The following DCAF6 variants were observed in gnomAD, a reference collection of about 807,000 sequenced individuals.
The protein encoded by DCAF6 is DDB1- and CUL4-associated factor 6.
In DCAF6, 54 loss-of-function variants were observed where a neutral mutation model predicts 125.1. The observed-to-expected ratio is 0.43, with a 90% CI of 0.35 to 0.54. The LOEUF (loss-of-function observed/expected upper bound fraction) is 0.54. Among genes scored for constraint, DCAF6 ranks in the 20% least tolerant of loss-of-function variants. The pLI is 0.01. For missense variants in DCAF6, 934 were observed against 1,161.7 expected, an observed-to-expected ratio of 0.80 and a Z score of 2.85; for synonymous variants, 371 against 390.4, an observed-to-expected ratio of 0.95 and a Z score of 0.58.
chr1:167,953,588 T>C (rs958479585), intron 2 of DCAF6, among the ~76,000 whole-genome samples: 15 of 152,188 alleles, frequency 9.9e-5, no homozygotes, highest in Admixed American at 9.2e-4. Context: ...GAGTATATTA[T>C]GTGTTAGATT....
intron 11 of DCAF6, 132 bp downstream of exon 11, chr1:168,016,083 G>A: frequency 1.5e-6 from 1 of 672,494 alleles, no homozygotes; most frequent in Non-Finnish European, 2.0e-6. Context: ...TCCTTTCCTT[G>A]CATATGGGTG....
the DCAF6 span, among the ~76,000 whole-genome samples, chr1:167,909,089 G>A: frequency 6.6e-6 from 1 of 152,100 alleles, no homozygotes; most frequent in African/African-American, 2.4e-5. Flanking sequence ...TTTCCCTGAA[G>A]GTAACCTTTC....
chr1:168,044,804 AT>A (rs773819539), intron 15 of DCAF6, 95 bp from the exon 16 acceptor site: 13 of 1,451,346 alleles, frequency 9.0e-6, no homozygotes, highest in Non-Finnish European at 1.2e-5. Context: ...GGAATTAGAC[AT>A]CATATTAGAA....
intron 7 of DCAF6, among the ~76,000 whole-genome samples, chr1:168,000,478 A>G (rs1431115938): frequency 6.6e-6 from 1 of 152,214 alleles, no homozygotes; most frequent in East Asian, 1.9e-4. Flanking sequence ...AAAATGAGGT[A>G]CTATGTTTCA....
chr1:168,046,072 G>C (rs1689124445), intron 16 of DCAF6, among the ~76,000 whole-genome samples: 1 of 152,032 alleles, frequency 6.6e-6, no homozygotes, highest in African/African-American at 2.4e-5. Context: ...AAAATATAAT[G>C]AAAGATTAAT....
chr1:167,984,971 A>G (rs535894659), intron 4 of DCAF6, among the ~76,000 whole-genome samples: 6 of 152,294 alleles, frequency 3.9e-5, no homozygotes, highest in African/African-American at 1.4e-4. Flanking sequence ...GAAAGGTGAA[A>G]GGCATGTCTC....
chr1:167,888,464 G>T, the DCAF6 span, among the ~76,000 whole-genome samples: 10 of 151,518 alleles, frequency 6.6e-5, no homozygotes, highest in Admixed American at 6.6e-4. Flanking sequence ...TAGTTTTCAC[G>T]GTAGAGATCT....
the DCAF6 span, among the ~76,000 whole-genome samples, chr1:167,922,146 T>C: frequency 1.3e-5 from 2 of 152,204 alleles, no homozygotes; most frequent in East Asian, 1.9e-4. Flanking sequence ...ATAAGGTAAG[T>C]ATCTAATAGA....
chr1:167,999,135 C>T (rs1444127359), intron 7 of DCAF6, among the ~76,000 whole-genome samples: 3 of 152,128 alleles, frequency 2.0e-5, no homozygotes, highest in African/African-American at 7.2e-5. Flanking sequence ...TGTACATCTC[C>T]ATCAGAGCCC....
chr1:168,071,854 G>C (rs1451838051), intron 21 of DCAF6, among the ~76,000 whole-genome samples: 1 of 151,940 alleles, frequency 6.6e-6, no homozygotes, highest in Non-Finnish European at 1.5e-5. Context: ...TTTTTTTCTA[G>C]CTCACTACAT....
chr1:167,884,729 G>A, the DCAF6 span, among the ~76,000 whole-genome samples: 12 of 131,878 alleles, frequency 9.1e-5, no homozygotes, highest in African/African-American at 3.5e-4. Flanking sequence ...ACGGAGTCTC[G>A]CTCTGTTGCT....
intron 13 of DCAF6, among the ~76,000 whole-genome samples, chr1:168,039,692 A>ATATATTAAT (rs1484713962): frequency 6.9e-6 from 1 of 144,320 alleles, no homozygotes; most frequent in African/African-American, 2.7e-5. Flanking sequence ...TAATATATTA[A>ATATATTAAT]ATATTTAATT....
the DCAF6 span, among the ~76,000 whole-genome samples, chr1:167,919,083 G>A: frequency 4.6e-5 from 7 of 152,146 alleles, no homozygotes; most frequent in Non-Finnish European, 1.0e-4. Context: ...CTAAGAATAA[G>A]ATCAACAGGT....
chr1:168,075,726 T>A lies in DCAF6; in HGVS notation c.*291T>A, dbSNP rs1693721891. ...CTTCAAATGTGGGAGCTTGGATCAATGTTGAAGAATAATTTTCATCATAGT... is the reference window on the plus strand; with the variant it reads ...CTTCAAATGTGGGAGCTTGGATCAAAGTTGAAGAATAATTTTCATCATAGT... On this transcript the variant is annotated 3_prime_UTR_variant, in exon 22 of 22. Transcript: ENST00000367840. 3.8e-6 allele frequency: 1 copy of A among 263,308 alleles called. No individual in the cohort carries two copies. Among genetic ancestry groups the A allele is most frequent in the African/African-American group, 2.2e-5 (1 of 45,418 alleles). 16.3% of individuals were successfully genotyped at this position (263,308 alleles called of 1,614,324 possible). A position where few individuals can be genotyped will look rare whatever the true frequency, so the allele number is the denominator to read the frequency against.
chr1:167,877,729 A>G, the DCAF6 span, among the ~76,000 whole-genome samples: 22 of 152,308 alleles, frequency 1.4e-4, no homozygotes, highest in Non-Finnish European at 1.5e-5. Context: ...AAAGGGGGAA[A>G]GAGCTTAACT....
At chr1:167,967,421 T>A (rs543855724) in intron 3 of DCAF6, among the ~76,000 whole-genome samples, 1 of 152,196 alleles carries the variant, frequency 6.6e-6, no homozygotes, top group African/African-American at 2.4e-5. Context: ...GAATGTTTCC[T>A]TTACAAGGAT....
chr1:167,899,704 C>T, the DCAF6 span: 2 of 1,428,880 alleles, frequency 1.4e-6, no homozygotes, highest in African/African-American at 2.8e-5. Flanking sequence ...TTTGGAAAAA[C>T]CATAATCTTG....
At chr1:168,008,736 C>T (rs1472286044) in intron 10 of DCAF6, among the ~76,000 whole-genome samples, 1 of 152,010 alleles carries the variant, frequency 6.6e-6, no homozygotes, top group African/African-American at 2.4e-5. Context: ...CTAGCCTCAT[C>T]TCATTCAATT....
chr1:167,962,761 C>T (rs892744410), intron 2 of DCAF6, among the ~76,000 whole-genome samples: 7 of 152,120 alleles, frequency 4.6e-5, no homozygotes, highest in Non-Finnish European at 8.8e-5. Context: ...TCAAGACCAG[C>T]CTGGCCAACG....
Sources: allele counts gnomAD v4.1 joint callset (sites outside exome capture counted in the v4.1 genomes callset), GRCh38; gene constraint gnomAD v4.1.1; transcripts MANE v1.5; gene names NCBI Gene and HGNC (gene_info 2026-07-23, HGNC 2026-07-21).